ZNF536: variants seen among roughly 807,000 people sequenced by gnomAD.
ZNF536 encodes the protein zinc finger protein 536.
A neutral mutation model predicts 84.5 loss-of-function variants in ZNF536; 13 were observed. The ratio of observed to expected loss-of-function variants is 0.15; its 90% CI spans 0.10 to 0.24. The LOEUF (loss-of-function observed/expected upper bound fraction) is 0.24, where lower values mean the gene tolerates loss of function less well. Ranked by LOEUF, ZNF536 falls within the 10% of genes least tolerant of loss-of-function variation. The pLI is 1.00. For synonymous variants in ZNF536, 811 were observed against 742.5 expected (o/e 1.09, Z -1.50); for missense variants, 1,536 against 1,747.5 (o/e 0.88, Z 2.16).
intron 1 of ZNF536, among the ~76,000 whole-genome samples, chr19:30,653,213 C>A (rs17542947): frequency 6.6e-6 from 1 of 152,188 alleles, no homozygotes; most frequent in African/African-American, 2.4e-5. Context: ...GATGCAGATT[C>A]TGACTCAGTA....
chr19:30,608,500 G>A (rs183434507), intron 1 of ZNF536, among the ~76,000 whole-genome samples: 5 of 152,112 alleles, frequency 3.3e-5, no homozygotes, highest in African/African-American at 9.7e-5. Context: ...GACTGGCCAG[G>A]GCTAATCCTA....
At chr19:30,569,556 G>GTT (rs1193738249) in intron 1 of ZNF536, among the ~76,000 whole-genome samples, 1 of 80,430 alleles carries the variant, frequency 1.2e-5, no homozygotes, top group African/African-American at 4.9e-5. Flanking sequence ...CCAGATAAAC[G>GTT]TTCTTTTTTT....
chr19:30,226,258 C>T (rs1356121377), upstream of ZNF536, among the ~76,000 whole-genome samples: 1 of 152,142 alleles, frequency 6.6e-6, no homozygotes, highest in Admixed American at 6.5e-5. This position sits in a 1 kb window ranked among gnomAD's most constrained non-coding sequence, Gnocchi z 4.6. Context: ...TAGGCTGGGG[C>T]CGCGGAAACT....
At chr19:30,346,016 G>A (rs1029305298) in intron 2 of ZNF536, among the ~76,000 whole-genome samples, 1 of 152,214 alleles carries the variant, frequency 6.6e-6, no homozygotes, top group Non-Finnish European at 1.5e-5. Flanking sequence ...ATGCACCCCA[G>A]ATGACTACCA....
chr19:30,331,835 C>A (rs924810098), intron 2 of ZNF536, among the ~76,000 whole-genome samples: 2 of 152,086 alleles, frequency 1.3e-5, no homozygotes, highest in Non-Finnish European at 2.9e-5. Context: ...CCTCCCTGTC[C>A]CCTGCAGGGG....
chr19:30,436,544 T>C, intron 1 of ZNF536: 2 of 983,604 alleles, frequency 2.0e-6, no homozygotes, highest in Non-Finnish European at 2.4e-6. Flanking sequence ...CTCTGGTTTA[T>C]TTTTGTAATA....
chr19:30,459,789 G>A (rs941661583), intron 2 of ZNF536, among the ~76,000 whole-genome samples: 1 of 152,172 alleles, frequency 6.6e-6, no homozygotes, highest in Non-Finnish European at 1.5e-5. Context: ...TTCGCTGGAG[G>A]TTGATTAGGG....
At chr19:30,307,217 C>T (rs2046365840) in intron 2 of ZNF536, among the ~76,000 whole-genome samples, 1 of 151,892 alleles carries the variant, frequency 6.6e-6, no homozygotes, top group Admixed American at 6.6e-5. Context: ...TGAAAAAACA[C>T]TTGATGTTAA....
At chr19:30,343,080 G>T (rs1600299736) in intron 2 of ZNF536, among the ~76,000 whole-genome samples, 2 of 152,102 alleles carry the variant, frequency 1.3e-5, no homozygotes, top group South Asian at 2.1e-4. Context: ...CCCACCCTCG[G>T]CCCGGTGGGG....
In ZNF536 at chr19:30,448,192, C is replaced by A. The variant is rs148197882; in HGVS notation, c.2170+2460C>A. 2.3e-3 allele frequency among the ~76,000 whole-genome samples: 352 copies of A among 152,224 alleles called. 2 individuals are homozygous for A. Among genetic ancestry groups the A allele is most frequent in the African/African-American group, 8.1e-3 (338 of 41,544 alleles). On this transcript the variant is annotated intron_variant, in intron 2 of 4. Transcript: ENST00000355537. ...TTGTTTTCTTCATATTCAAATTAGA[C>A]CCTTTCATAATTTTCTGACTAAGTA...
chr19:30,484,325 C>T (rs570357277), intron 2 of ZNF536, among the ~76,000 whole-genome samples: 121 of 145,882 alleles, frequency 8.3e-4, no homozygotes, highest in African/African-American at 2.8e-3. Context: ...CTCCTAGGTT[C>T]AAGTGATTCT....
chr19:30,523,485 T>C (rs914984082), intron 2 of ZNF536, among the ~76,000 whole-genome samples: 4 of 152,156 alleles, frequency 2.6e-5, no homozygotes, highest in African/African-American at 9.7e-5. Flanking sequence ...CCTGGGGCTT[T>C]TGGACTGCAA....
At chr19:30,266,106 A>G (rs1465914461) in intron 1 of ZNF536, among the ~76,000 whole-genome samples, 1 of 152,052 alleles carries the variant, frequency 6.6e-6, no homozygotes, top group East Asian at 1.9e-4. Flanking sequence ...TGGAGTGCAG[A>G]GGCACAATCA....
intron 1 of ZNF536, among the ~76,000 whole-genome samples, chr19:30,235,043 C>T (rs966802211): frequency 1.1e-4 from 16 of 152,302 alleles, no homozygotes; most frequent in Middle Eastern, 3.4e-3. Context: ...AGGTTTGGGG[C>T]TCTTCGGTGT....
chr19:30,538,557 G>A (rs1029369609), intron 3 of ZNF536, among the ~76,000 whole-genome samples: 2 of 152,142 alleles, frequency 1.3e-5, no homozygotes, highest in Non-Finnish European at 1.5e-5. Context: ...CTGGGAGCCC[G>A]AGAGAGCCTA....
intron 1 of ZNF536, among the ~76,000 whole-genome samples, chr19:30,678,215 T>G (rs1440214557): frequency 6.6e-6 from 1 of 152,176 alleles, no homozygotes; most frequent in Non-Finnish European, 1.5e-5. Context: ...AGCTTTCCTC[T>G]TCAAAAGGCT....
intron 1 of ZNF536, among the ~76,000 whole-genome samples, chr19:30,691,489 G>A (rs925452191): frequency 6.6e-6 from 1 of 152,120 alleles, no homozygotes; most frequent in Non-Finnish European, 1.5e-5. Flanking sequence ...CTCACGCCCA[G>A]ACTCCGCTCC....
chr19:30,228,686 C>CG lies in ZNF536; in HGVS notation c.-190+15dup, dbSNP rs1385222942. Reference sequence around the variant, plus strand: ...AAGCAAGTGCCAAGTAAGTGCCCTGCGGTGGCCTCGGCGCGCCCCGGGGTG... The same window carrying CG: ...AAGCAAGTGCCAAGTAAGTGCCCTGCGGGTGGCCTCGGCGCGCCCCGGGGTG... On this transcript the variant is annotated intron_variant, in intron 1 of 5. Transcript: ENST00000585628. The surrounding 1 kb of genome is among the most constrained non-coding windows in gnomAD (Gnocchi z 4.5). The CG allele has an allele frequency of 1.3e-5, 2 of 151,532 alleles. No homozygotes were observed. The highest frequency in any genetic ancestry group is 2.9e-5 in the Non-Finnish European group (2 of 67,856). The allele number at this position is 151,532 out of a possible 1,614,324, so 9.4% of individuals were successfully genotyped here. A position where few individuals can be genotyped will look rare whatever the true frequency, so the allele number is the denominator to read the frequency against.
chr19:30,352,869 C>T (rs2047977647), intron 3 of ZNF536, among the ~76,000 whole-genome samples: 1 of 152,220 alleles, frequency 6.6e-6, no homozygotes, highest in Non-Finnish European at 1.5e-5. Context: ...GTGCTGCTAA[C>T]ATATTCTGGT....
Sources: allele counts gnomAD v4.1 joint callset (sites outside exome capture counted in the v4.1 genomes callset), GRCh38; gene constraint gnomAD v4.1.1; non-coding constraint Gnocchi (gnomAD v3.1); transcripts MANE v1.5; gene names NCBI Gene and HGNC (gene_info 2026-07-23, HGNC 2026-07-21).